The following MYRFL variants were observed in gnomAD, a reference collection of about 807,000 sequenced individuals.
MYRFL encodes the protein myelin regulatory factor like.
In MYRFL, 88 loss-of-function variants were observed where a neutral mutation model predicts 109.4. That is an observed-to-expected ratio of 0.80 (90% CI 0.68 to 0.96). The LOEUF (loss-of-function observed/expected upper bound fraction) is 0.96. Among genes scored for constraint, MYRFL ranks in the 40% least tolerant of loss-of-function variants. MYRFL has a pLI of 0.00. For synonymous variants in MYRFL, 324 were observed against 320.9 expected (o/e 1.01, Z -0.10); for missense variants, 957 against 954.9 (o/e 1.00, Z -0.03).
intron 2 of MYRFL, among the ~76,000 whole-genome samples, chr12:69,865,573 A>T (rs1884971462): frequency 6.6e-6 from 1 of 152,162 alleles, no homozygotes; most frequent in Non-Finnish European, 1.5e-5. Flanking sequence ...ACAGGAGGAC[A>T]GGGGAAGGTC....
chr12:69,935,416 G>A (rs145875272), intron 16 of MYRFL, among the ~76,000 whole-genome samples: 2 of 152,304 alleles, frequency 1.3e-5, no homozygotes, highest in African/African-American at 2.4e-5. Context: ...AGAACACTAA[G>A]TATTTGGATG....
rs1555246956 is a variant in MYRFL at position 69,880,951 on chromosome 12, G to GGTT, written c.556+659_556+660insGTT. Among the ~76,000 whole-genome samples, 116 of 112,628 alleles carry GGTT rather than the reference G, an allele frequency of 1.0e-3. 4 individuals carry two copies. The highest frequency in any genetic ancestry group is 6.2e-3 in the Middle Eastern group (1 of 162). The allele number at this position is 112,628 out of a possible 152,430, so 73.9% of individuals were successfully genotyped here. On this transcript the variant is annotated intron_variant, in intron 5 of 24. Coordinates refer to ENST00000552032, the MANE Select transcript of MYRFL (RefSeq NM_182530.3). ...TAATGTCCAAGCGGTCAGCCTTCCT[G>GGTT]TTTTTTTTTTTTTTTTTTGTCTTAT...
intron 13 of MYRFL, among the ~76,000 whole-genome samples, chr12:69,922,063 G>C (rs891008359): frequency 1.3e-5 from 2 of 152,104 alleles, no homozygotes; most frequent in Non-Finnish European, 2.9e-5. Flanking sequence ...AGAGAAGTGG[G>C]TGGCTTTGGG....
At chr12:69,951,259 C>T (rs1955967949) in intron 19 of MYRFL, among the ~76,000 whole-genome samples, 1 of 152,088 alleles carries the variant, frequency 6.6e-6, no homozygotes, top group Non-Finnish European at 1.5e-5. Flanking sequence ...ATTATTTTCT[C>T]ACAGTTCTGG....
chr12:69,856,788 A>T (rs1884316935), intron 2 of MYRFL, among the ~76,000 whole-genome samples: 1 of 151,992 alleles, frequency 6.6e-6, no homozygotes, highest in African/African-American at 2.4e-5. Context: ...GATATTCTGG[A>T]TATAAAAAGT....
intron 19 of MYRFL, chr12:69,946,533 G>C (rs1326677869): frequency 2.0e-5 from 3 of 152,016 alleles, no homozygotes; most frequent in African/African-American, 7.3e-5. Context: ...AATACATAAA[G>C]AACAAATGTA....
intron 2 of MYRFL, among the ~76,000 whole-genome samples, chr12:69,865,288 G>C (rs1009433902): frequency 1.3e-5 from 2 of 152,198 alleles, no homozygotes; most frequent in African/African-American, 4.8e-5. Context: ...GTGGACAAAA[G>C]GGTGTGATCT....
chr12:69,903,543 G>A, intron 10 of MYRFL, 101 bp from the exon 11 acceptor site: 1 of 1,220,480 alleles, frequency 8.2e-7, no homozygotes, highest in South Asian at 1.5e-5. Flanking sequence ...TCTTATGAAA[G>A]ACTTAGATAA....
intron 16 of MYRFL, among the ~76,000 whole-genome samples, chr12:69,934,248 A>AGAGT (rs745700575): frequency 1.1e-4 from 17 of 152,164 alleles, no homozygotes; most frequent in African/African-American, 3.6e-4. Context: ...AGCACATGAG[A>AGAGT]GAGTGAGTGC....
chr12:69,876,388 T>C (rs943623264), intron 2 of MYRFL, among the ~76,000 whole-genome samples: 8 of 152,186 alleles, frequency 5.3e-5, no homozygotes, highest in African/African-American at 1.9e-4. Context: ...TGTTTTGTTT[T>C]TGTTTTTAAA....
intron 6 of MYRFL, among the ~76,000 whole-genome samples, chr12:69,888,501 G>T (rs1307583216): frequency 1.3e-5 from 2 of 152,090 alleles, no homozygotes; most frequent in Non-Finnish European, 2.9e-5. Context: ...CTTTTAAAAA[G>T]CCAGTTTAAT....
intron 13 of MYRFL, among the ~76,000 whole-genome samples, chr12:69,914,878 G>A (rs998064898): frequency 6.6e-6 from 1 of 152,178 alleles, no homozygotes; most frequent in Admixed American, 6.5e-5. Flanking sequence ...ACCCTGGAGT[G>A]ATGCAATCTA....
intron 8 of MYRFL, 26 bp downstream of exon 8, chr12:69,893,866 T>C (rs1001906490): frequency 5.0e-6 from 6 of 1,199,260 alleles, no homozygotes; most frequent in East Asian, 3.2e-5. Context: ...CTGAATTCCT[T>C]TGTGAATGTT....
intron 19 of MYRFL, among the ~76,000 whole-genome samples, chr12:69,938,220 C>T (rs1955529341): frequency 6.6e-6 from 1 of 152,070 alleles, no homozygotes; most frequent in South Asian, 2.1e-4. Context: ...GGCTTTTATC[C>T]CTTGTGAAAG....
chr12:69,848,903 GCT>G (rs1241064341), intron 1 of MYRFL, among the ~76,000 whole-genome samples: 2 of 152,116 alleles, frequency 1.3e-5, no homozygotes, highest in African/African-American at 4.8e-5. Flanking sequence ...GACAGATCTT[GCT>G]CTGTCACCCA....
At chr12:69,892,578 C>T (rs1425512342) in intron 7 of MYRFL, among the ~76,000 whole-genome samples, 1 of 152,170 alleles carries the variant, frequency 6.6e-6, no homozygotes, top group Non-Finnish European at 1.5e-5. Context: ...GCCTGGCCTA[C>T]ATATTTTATT....
chr12:69,852,560 T>A (rs1275332563), intron 1 of MYRFL, among the ~76,000 whole-genome samples: 1 of 147,240 alleles, frequency 6.8e-6, no homozygotes, highest in Admixed American at 6.9e-5. Context: ...GCAGGCAGGC[T>A]GTTTATTTTT....
chr12:69,905,862 A>G (rs945006853), intron 11 of MYRFL, among the ~76,000 whole-genome samples: 7 of 152,198 alleles, frequency 4.6e-5, no homozygotes, highest in Non-Finnish European at 1.0e-4. Flanking sequence ...GATGATGGTA[A>G]TGTTGATGAT....
intron 2 of MYRFL, among the ~76,000 whole-genome samples, chr12:69,859,861 G>C (rs1009082176): frequency 2.0e-4 from 30 of 152,194 alleles, no homozygotes; most frequent in African/African-American, 7.2e-4. Context: ...AGTCAGTGTG[G>C]CAATTCCTCA....
Sources: allele counts gnomAD v4.1 joint callset (sites outside exome capture counted in the v4.1 genomes callset), GRCh38; gene constraint gnomAD v4.1.1; transcripts MANE v1.5; gene names NCBI Gene and HGNC (gene_info 2026-07-23, HGNC 2026-07-21).